Variants in PCDHGA2 observed in about 807,000 individuals in gnomAD.
The protein encoded by PCDHGA2 is protocadherin gamma subfamily A, 2.
Under a neutral mutation model 59.2 loss-of-function variants are expected in PCDHGA2, and 40 were observed. The observed-to-expected ratio is 0.68, with a 90% confidence interval of 0.52 to 0.88. The LOEUF (loss-of-function observed/expected upper bound fraction) is 0.88. Among genes scored for constraint, PCDHGA2 ranks in the 40% least tolerant of loss-of-function variants. The probability of loss-of-function intolerance (pLI) is 0.00; values close to 1 mark genes in which losing one functional copy is unlikely to be tolerated. For missense variants in PCDHGA2, 1,226 were observed against 1,204.0 expected, an observed-to-expected ratio of 1.02 and a Z score of -0.27; for synonymous variants, 560 against 526.0, an observed-to-expected ratio of 1.06 and a Z score of -0.89.
Position 141,339,976 on chromosome 5 carries a change from C to T in PCDHGA2, c.1005C>T (p.Val335=), listed in dbSNP as rs765342434. 128 of 1,613,986 alleles carry T rather than the reference C, an allele frequency of 7.9e-5. 1 individual carries two copies. In the Admixed American group the frequency reaches 2.1e-3, roughly 26 times the overall value. ...PGLLTRAKVI[V]TVLDVNDNAP... Reference sequence around the variant, plus strand: ...TTCTAACCAGAGCGAAGGTTATCGTCACGGTTCTGGATGTGAATGACAATG... The same window carrying T: ...TTCTAACCAGAGCGAAGGTTATCGTTACGGTTCTGGATGTGAATGACAATG... Residue 335 remains valine, a synonymous_variant, in exon 1 of 4, where the codon GTC becomes GTT. Transcript: ENST00000394576.
chr5:141,485,070 G>A lies in PCDHGA2; in HGVS notation c.2425-9737G>A. On this transcript the variant is annotated intron_variant, in intron 1 of 3. Coordinates refer to ENST00000394576, the MANE Select transcript of PCDHGA2 (RefSeq NM_018915.4). The surrounding 1 kb of genome is among the most constrained non-coding windows in gnomAD (Gnocchi z 5.7). ...CGCCGGCCGAACCGCGCCAGAGCTG[G>A]CGCGGGGAAAGGGAGATAGGTGTCT... is the stretch of plus-strand genomic sequence containing the variant. The A allele has an allele frequency of 1.1e-6, 1 of 908,406 alleles. No individual in the cohort carries two copies. Among genetic ancestry groups the A allele is most frequent in the Non-Finnish European group, 1.7e-6 (1 of 580,008 alleles). 56.3% of individuals were successfully genotyped at this position (908,406 alleles called of 1,614,324 possible). A position where few individuals can be genotyped will look rare whatever the true frequency, so the allele number is the denominator to read the frequency against.
chr5:141,491,022 C>T lies in PCDHGA2; in HGVS notation c.2425-3785C>T, dbSNP rs1431293281. 6.8e-6 allele frequency: 11 copies of T among 1,614,116 alleles called. No homozygotes were observed. Among genetic ancestry groups the T allele is most frequent in the East Asian group, 2.2e-5 (1 of 44,886 alleles). On this transcript the variant is annotated intron_variant, in intron 1 of 3. Coordinates refer to ENST00000394576, the MANE Select transcript of PCDHGA2 (RefSeq NM_018915.4). The surrounding 1 kb of genome is among the most constrained non-coding windows in gnomAD (Gnocchi z 6.9). ...GCTCCTTGGTCACCAAGGTGACAGCCGTGGATGCTGATGCAGGCCACAATG... is the reference window on the plus strand; with the variant it reads ...GCTCCTTGGTCACCAAGGTGACAGCTGTGGATGCTGATGCAGGCCACAATG...
chr5:141,360,534 C>G (rs1163305635), intron 1 of PCDHGA2: 1 of 1,613,938 alleles, frequency 6.2e-7, no homozygotes, highest in Admixed American at 1.7e-5. Flanking sequence ...CCCCGCTATT[C>G]AAACAGACTA....
intron 1 of PCDHGA2, chr5:141,403,680 C>A: frequency 6.2e-7 from 1 of 1,613,846 alleles, no homozygotes; most frequent in Non-Finnish European, 8.5e-7. Context: ...CCGGTTTTTG[C>A]TCAACGGATT....
rs773703641 is a variant in PCDHGA2, at chr5:141,477,856, G to A, written c.2425-16951G>A. On this transcript the variant is annotated intron_variant, in intron 1 of 3. Transcript: ENST00000394576. The surrounding 1 kb of genome is among the most constrained non-coding windows in gnomAD (Gnocchi z 4.9). ...CAGGTGGGAGCTCGGTGGAGATGCT[G>A]CCTCGAGGTACCTCAGCTGGCCACC... is the stretch of plus-strand genomic sequence containing the variant. 6.2e-7 allele frequency: 1 copy of A among 1,613,592 alleles called. No homozygotes were observed. Among genetic ancestry groups the A allele is most frequent in the Admixed American group, 1.7e-5 (1 of 59,976 alleles).
intron 1 of PCDHGA2, chr5:141,393,342 C>T (rs765924046): frequency 6.2e-7 from 1 of 1,613,944 alleles, no homozygotes; most frequent in Admixed American, 1.7e-5. Context: ...CCCCAATCAC[C>T]ACTTCTCCCT....
At chr5:141,344,577 G>A in intron 1 of PCDHGA2, 5 of 1,614,016 alleles carry the variant, frequency 3.1e-6, no homozygotes, top group Non-Finnish European at 4.2e-6. Flanking sequence ...CTCTCTGGCT[G>A]TGAATAGCGT....
At chr5:141,372,434 T>A (rs767132959) in intron 1 of PCDHGA2, 27 of 1,613,890 alleles carry the variant, frequency 1.7e-5, no homozygotes, top group Non-Finnish European at 2.0e-5. Flanking sequence ...ACCGCCCCAC[T>A]CCCTCTGACC....
intron 2 of PCDHGA2, among the ~76,000 whole-genome samples, chr5:141,505,113 G>A (rs1254889990): frequency 6.6e-6 from 1 of 152,178 alleles, no homozygotes; most frequent in East Asian, 1.9e-4. Context: ...AATGAGCCAA[G>A]ATCGCGCCAC....
At chr5:141,474,062 C>A (rs745636246) in intron 1 of PCDHGA2, among the ~76,000 whole-genome samples, 2 of 152,104 alleles carry the variant, frequency 1.3e-5, no homozygotes, top group Non-Finnish European at 2.9e-5. Context: ...AGAGCGAGAT[C>A]CTGCCTCAGA....
chr5:141,362,160 C>T (rs1215188936), intron 1 of PCDHGA2: 4 of 1,614,070 alleles, frequency 2.5e-6, no homozygotes, highest in Non-Finnish European at 3.4e-6. Context: ...TGCCAGACCT[C>T]AGCGACCGCC....
intron 1 of PCDHGA2, among the ~76,000 whole-genome samples, chr5:141,449,636 TA>T (rs1448731592): frequency 7.3e-5 from 11 of 150,610 alleles, no homozygotes; most frequent in Non-Finnish European, 1.2e-4. Flanking sequence ...AAGATGTATC[TA>T]TATATACATA....
At chr5:141,409,592 A>G in intron 1 of PCDHGA2, 1 of 1,613,898 alleles carries the variant, frequency 6.2e-7, no homozygotes, top group African/African-American at 1.3e-5. Flanking sequence ...CGTGGCCGAG[A>G]ACAACCCGCC....
chr5:141,345,183 GT>G (rs758420424), intron 1 of PCDHGA2: 1 of 1,614,026 alleles, frequency 6.2e-7, no homozygotes. Context: ...GCAGGTTGAA[GT>G]TTTTGTCCTG....
At chr5:141,449,349 G>A (rs191322076) in intron 1 of PCDHGA2, among the ~76,000 whole-genome samples, 2 of 151,956 alleles carry the variant, frequency 1.3e-5, no homozygotes, top group African/African-American at 4.8e-5. Flanking sequence ...GCTCACTCCT[G>A]TAATCCCAGC....
chr5:141,408,338 G>C, intron 1 of PCDHGA2: 1 of 1,613,958 alleles, frequency 6.2e-7, no homozygotes, highest in Non-Finnish European at 8.5e-7. Context: ...CAAGGGCTCG[G>C]TGGTGGGGAA....
intron 1 of PCDHGA2, among the ~76,000 whole-genome samples, chr5:141,466,627 C>G (rs1448245449): frequency 6.6e-6 from 1 of 152,154 alleles, no homozygotes; most frequent in African/African-American, 2.4e-5. Flanking sequence ...TTCTTTGGAG[C>G]ATTGTCTCCA....
At chr5:141,443,169 T>C (rs946262743) in intron 1 of PCDHGA2, among the ~76,000 whole-genome samples, 2 of 152,170 alleles carry the variant, frequency 1.3e-5, no homozygotes, top group Non-Finnish European at 2.9e-5. Flanking sequence ...TCCCTACCCA[T>C]GTCCACTGCA....
At chr5:141,500,672 C>A (rs2099801937) in intron 2 of PCDHGA2, among the ~76,000 whole-genome samples, 1 of 152,156 alleles carries the variant, frequency 6.6e-6, no homozygotes, top group South Asian at 2.1e-4. Context: ...TACTGTCCAA[C>A]AGAATTATAG....
Sources: allele counts gnomAD v4.1 joint callset (sites outside exome capture counted in the v4.1 genomes callset), GRCh38; gene constraint gnomAD v4.1.1; non-coding constraint Gnocchi (gnomAD v3.1); transcripts MANE v1.5; gene names NCBI Gene and HGNC (gene_info 2026-07-23, HGNC 2026-07-21).